The following TMEM132D variants were observed in gnomAD, a reference collection of about 807,000 sequenced individuals.
TMEM132D encodes the protein transmembrane protein 132D.
TMEM132D carries 21 observed loss-of-function variants against 62.3 expected under a neutral mutation model. The ratio of observed to expected loss-of-function variants is 0.34; its 90% CI spans 0.24 to 0.49. TMEM132D has a LOEUF of 0.49. TMEM132D is among the 20% of genes least tolerant of loss of function. The pLI is 0.99. For synonymous variants in TMEM132D, 621 were observed against 575.6 expected (o/e 1.08, Z -1.13); for missense variants, 1,346 against 1,402.8 (o/e 0.96, Z 0.65).
chr12:129,199,265 C>A (rs1395112635), intron 5 of TMEM132D, among the ~76,000 whole-genome samples: 1 of 152,022 alleles, frequency 6.6e-6, no homozygotes, highest in Non-Finnish European at 1.5e-5. Context: ...ATGCACCCAG[C>A]TAATTTTTGT....
chr12:129,728,638 G>A (rs1869116734), intron 1 of TMEM132D, among the ~76,000 whole-genome samples: 2 of 152,172 alleles, frequency 1.3e-5, no homozygotes, highest in African/African-American at 4.8e-5. Flanking sequence ...TTCAGGCTCT[G>A]GCCATGTGGA....
chr12:129,522,291 C>T (rs2137081877), intron 3 of TMEM132D, among the ~76,000 whole-genome samples: 1 of 152,254 alleles, frequency 6.6e-6, no homozygotes, highest in African/African-American at 2.4e-5. Context: ...AGAAACAACA[C>T]TTAGAATGAA....
At chr12:129,668,102 A>T (rs1200249910) in intron 2 of TMEM132D, among the ~76,000 whole-genome samples, 3 of 151,504 alleles carry the variant, frequency 2.0e-5, no homozygotes, top group Admixed American at 6.6e-5. Context: ...ATTAGAATAG[A>T]GGAAAAACTT....
intron 5 of TMEM132D, among the ~76,000 whole-genome samples, chr12:129,174,812 A>G (rs372719444): frequency 3.9e-5 from 6 of 152,308 alleles, no homozygotes; most frequent in Non-Finnish European, 5.9e-5. Context: ...TTTGAATTGC[A>G]TTTCTCTAAT....
intron 2 of TMEM132D, among the ~76,000 whole-genome samples, chr12:129,605,446 A>G (rs935562559): frequency 6.6e-6 from 1 of 151,872 alleles, no homozygotes; most frequent in African/African-American, 2.4e-5. Context: ...CCAGGAAAAA[A>G]TGGTCTCGTC....
chr12:129,549,321 G>A (rs1876825387), intron 2 of TMEM132D, among the ~76,000 whole-genome samples: 1 of 150,562 alleles, frequency 6.6e-6, no homozygotes, highest in South Asian at 2.1e-4. Flanking sequence ...ATATGGTTTA[G>A]CTGTGTCCCC....
intron 4 of TMEM132D, among the ~76,000 whole-genome samples, chr12:129,268,029 C>T (rs1335839560): frequency 6.6e-6 from 1 of 152,032 alleles, no homozygotes; most frequent in Non-Finnish European, 1.5e-5. Context: ...ATACAAAAAT[C>T]AATTCAAGAT....
chr12:129,502,260 A>G (rs982711363), intron 3 of TMEM132D, among the ~76,000 whole-genome samples: 1 of 152,058 alleles, frequency 6.6e-6, no homozygotes, highest in Non-Finnish European at 1.5e-5. Context: ...CGGCCTCCCA[A>G]AGTGCTGGGA....
At chr12:129,606,481 TGAGA>T (rs1878627979) in intron 2 of TMEM132D, among the ~76,000 whole-genome samples, 1 of 151,984 alleles carries the variant, frequency 6.6e-6, no homozygotes, top group South Asian at 2.1e-4. Flanking sequence ...GCGAGCTCAG[TGAGA>T]GAGAGACCTG....
intron 1 of TMEM132D, among the ~76,000 whole-genome samples, chr12:129,809,047 C>A (rs956057639): frequency 6.6e-6 from 1 of 152,176 alleles, no homozygotes; most frequent in Non-Finnish European, 1.5e-5. Context: ...GTGGCTCACG[C>A]CTGTAATCCC....
At chr12:129,322,492 C>G (rs1207952581) in intron 4 of TMEM132D, among the ~76,000 whole-genome samples, 1 of 151,914 alleles carries the variant, frequency 6.6e-6, no homozygotes, top group African/African-American at 2.4e-5. Context: ...TGTCCAGACA[C>G]TTAATAAAGA....
intron 2 of TMEM132D, among the ~76,000 whole-genome samples, chr12:129,666,304 A>G (rs540491894): frequency 6.6e-6 from 1 of 152,256 alleles, no homozygotes; most frequent in South Asian, 2.1e-4. Flanking sequence ...GTCTGCATTT[A>G]TGTGTGTTTT....
chr12:129,523,450 C>T (rs948458058), intron 3 of TMEM132D, among the ~76,000 whole-genome samples: 1 of 152,106 alleles, frequency 6.6e-6, no homozygotes, highest in Admixed American at 6.5e-5. Flanking sequence ...TTATTTATGC[C>T]ACACGCATGA....
At chr12:129,191,674 A>G (rs1878407191) in intron 5 of TMEM132D, among the ~76,000 whole-genome samples, 3 of 151,896 alleles carry the variant, frequency 2.0e-5, no homozygotes, top group African/African-American at 7.3e-5. Flanking sequence ...TTATACATAT[A>G]TCTCTATATC....
chr12:129,789,543 C>T (rs773184707), intron 1 of TMEM132D, among the ~76,000 whole-genome samples: 3 of 152,210 alleles, frequency 2.0e-5, no homozygotes, highest in Non-Finnish European at 4.4e-5. Flanking sequence ...TGGAATACTA[C>T]TCAGCTATAA....
At chr12:129,362,592 T>A (rs1181769718) in intron 3 of TMEM132D, among the ~76,000 whole-genome samples, 2 of 149,138 alleles carry the variant, frequency 1.3e-5, no homozygotes, top group African/African-American at 2.4e-5. Flanking sequence ...TCTTTTTTGT[T>A]GGGAGTCTTT....
At chr12:129,461,863 C>T (rs1178497526) in intron 3 of TMEM132D, among the ~76,000 whole-genome samples, 1 of 152,108 alleles carries the variant, frequency 6.6e-6, no homozygotes, top group Non-Finnish European at 1.5e-5. Flanking sequence ...TGCATGAACA[C>T]TGTTACCAAA....
At chr12:129,494,766 G>T (rs1366381332) in intron 3 of TMEM132D, among the ~76,000 whole-genome samples, 1 of 151,970 alleles carries the variant, frequency 6.6e-6, no homozygotes, top group Non-Finnish European at 1.5e-5. Flanking sequence ...CATCATCCTG[G>T]CCTCTGAGTC....
intron 4 of TMEM132D, among the ~76,000 whole-genome samples, chr12:129,224,360 T>G (rs1362107507): frequency 6.6e-6 from 1 of 152,238 alleles, no homozygotes; most frequent in Non-Finnish European, 1.5e-5. Flanking sequence ...TCAGGACTTC[T>G]TTTTACTTGA....
Sources: gnomAD v4.1 joint callset for allele counts (sites outside exome capture counted in the v4.1 genomes callset) on GRCh38, gnomAD v4.1.1 for gene constraint, MANE v1.5 for transcripts, NCBI Gene and HGNC (gene_info 2026-07-23, HGNC 2026-07-21) for gene names.